FAAH2: variants seen among roughly 807,000 people sequenced by gnomAD.
FAAH2 encodes the protein fatty acid amide hydrolase 2.
In FAAH2, 60 loss-of-function variants were observed where a neutral mutation model predicts 36.9. That is an observed-to-expected ratio of 1.63 (90% CI 1.32 to 2.02). The LOEUF is 2.02. FAAH2 is among the 30% of genes most tolerant of loss of function. FAAH2 has a pLI of 0.00. For missense variants in FAAH2, 689 were observed against 397.5 expected, an observed-to-expected ratio of 1.73 and a Z score of -6.23; for synonymous variants, 214 against 143.8, an observed-to-expected ratio of 1.49 and a Z score of -3.49.
intron 7 of FAAH2, among the ~76,000 whole-genome samples, chrX:57,400,354 T>C (rs1248380741): frequency 1.8e-5 from 2 of 112,360 alleles, no homozygotes; most frequent in Non-Finnish European, 3.8e-5. Flanking sequence ...ATCAATTTCC[T>C]TACTCAGGTA....
the FAAH2 span, among the ~76,000 whole-genome samples, chrX:57,214,691 A>T: frequency 9.0e-6 from 1 of 111,676 alleles, no homozygotes; most frequent in South Asian, 3.7e-4. Flanking sequence ...TGTTACATGG[A>T]GTATGATACA....
the FAAH2 span, among the ~76,000 whole-genome samples, chrX:57,156,709 G>A: frequency 8.9e-6 from 1 of 111,874 alleles, no homozygotes; most frequent in South Asian, 3.8e-4. Context: ...TCCAAGCAAA[G>A]TCTCTTGCTC....
the FAAH2 span, chrX:57,135,676 T>A: frequency 9.2e-7 from 1 of 1,084,295 alleles, no homozygotes; most frequent in Non-Finnish European, 1.2e-6. Flanking sequence ...TTGTATTTTT[T>A]AGAGCAAAAC....
chrX:57,419,308 G>A (rs1466240685), intron 7 of FAAH2, among the ~76,000 whole-genome samples: 1 of 110,669 alleles, frequency 9.0e-6, no homozygotes, highest in Admixed American at 9.6e-5. Flanking sequence ...CTTCCACAAT[G>A]GTTGAACTAG....
At chrX:57,339,959 G>A (rs913502522) in intron 4 of FAAH2, among the ~76,000 whole-genome samples, 1 of 111,338 alleles carries the variant, frequency 9.0e-6, no homozygotes, top group African/African-American at 3.3e-5. Context: ...ACATGAAGGG[G>A]AGTTTATTAA....
the FAAH2 span, among the ~76,000 whole-genome samples, chrX:57,226,445 A>G: frequency 1.2e-4 from 13 of 111,778 alleles, no homozygotes; most frequent in Non-Finnish European, 3.8e-5. Context: ...TTGGCTGATA[A>G]TTGTTTTGTT....
intron 7 of FAAH2, among the ~76,000 whole-genome samples, chrX:57,424,034 C>T (rs771866369): frequency 5.4e-5 from 6 of 111,705 alleles, no homozygotes; most frequent in African/African-American, 2.0e-4. Context: ...CATCTGCTGC[C>T]TTCATTGCCC....
chrX:57,470,108 A>C (rs189687164), intron 10 of FAAH2, among the ~76,000 whole-genome samples: 1 of 111,926 alleles, frequency 8.9e-6, no homozygotes, highest in Admixed American at 9.5e-5. Flanking sequence ...CAGTGTGTAG[A>C]GGGAAATTTA....
chrX:57,428,517 C>T (rs752348491), intron 7 of FAAH2, among the ~76,000 whole-genome samples: 1 of 111,858 alleles, frequency 8.9e-6, no homozygotes, highest in Admixed American at 9.5e-5. Flanking sequence ...GAAACTACAA[C>T]AGCATGGTAT....
chrX:57,368,554 A>G (rs1397693705), intron 5 of FAAH2, among the ~76,000 whole-genome samples: 3 of 111,756 alleles, frequency 2.7e-5, no homozygotes, highest in African/African-American at 9.7e-5. Context: ...GGAGCAGCTT[A>G]TGTCCCACCC....
intron 2 of FAAH2, among the ~76,000 whole-genome samples, chrX:57,296,380 C>T (rs2052158958): frequency 8.9e-6 from 1 of 112,034 alleles, no homozygotes; most frequent in Non-Finnish European, 1.9e-5. Flanking sequence ...AACAGACCTG[C>T]AGCTGAGGGT....
chrX:57,286,501 T>C (rs761248593), upstream of FAAH2, among the ~76,000 whole-genome samples: 1 of 111,159 alleles, frequency 9.0e-6, no homozygotes, highest in African/African-American at 3.3e-5. Flanking sequence ...GGAGATATAG[T>C]GTAGGTTGGC....
chrX:57,325,285 T>C (rs751353657), intron 3 of FAAH2, among the ~76,000 whole-genome samples: 1 of 111,380 alleles, frequency 9.0e-6, no homozygotes, highest in African/African-American at 3.3e-5. Context: ...ATCAGGGATA[T>C]TGGTCTAAAA....
At chrX:57,282,332 AT>A (rs1223401364), upstream of FAAH2, among the ~76,000 whole-genome samples, 2 of 111,516 alleles carry the variant, frequency 1.8e-5, no homozygotes, top group Non-Finnish European at 3.8e-5. Context: ...GATGATGAGC[AT>A]TTTTTTAATG....
At chrX:57,319,485 A>G (rs1482321068) in intron 3 of FAAH2, among the ~76,000 whole-genome samples, 1 of 112,014 alleles carries the variant, frequency 8.9e-6, no homozygotes, top group Non-Finnish European at 1.9e-5. Context: ...GACCTCTTCA[A>G]GGAGAACTAC....
At chrX:57,229,198 A>C in the FAAH2 span, 2 of 112,297 alleles carry the variant, frequency 1.8e-5, no homozygotes, top group African/African-American at 3.2e-5. Flanking sequence ...GAGCACTTGG[A>C]CTATCGCTCA....
At chrX:57,375,923 GA>G (rs1216921324) in intron 5 of FAAH2, among the ~76,000 whole-genome samples, 2 of 111,540 alleles carry the variant, frequency 1.8e-5, no homozygotes, top group African/African-American at 6.5e-5. Flanking sequence ...TATGAATTAA[GA>G]TTGAAAGTTA....
rs758384514 is a variant in FAAH2 at position 57,450,861 on chromosome X, CAT to C, written c.1423+2144_1423+2145del. Among the ~76,000 whole-genome samples, 63 of 111,122 alleles carry C rather than the reference CAT, an allele frequency of 5.7e-4. No homozygotes were observed. The East Asian group carries it at 6.8e-3, about 12-fold the overall frequency. On this transcript the variant is annotated intron_variant, in intron 10 of 10. Transcript: ENST00000374900. ...TGATAATGATACCATTTATTGGAGA[CAT>C]GTATATGTTTATATTGATATTAATG...
At chrX:57,280,283 A>G in the FAAH2 span, among the ~76,000 whole-genome samples, 1 of 111,238 alleles carries the variant, frequency 9.0e-6, no homozygotes, top group Non-Finnish European at 1.9e-5. Flanking sequence ...TGAAATATCA[A>G]AAAACAGTCT....
Sources: gnomAD v4.1 joint callset for allele counts (sites outside exome capture counted in the v4.1 genomes callset) on GRCh38, gnomAD v4.1.1 for gene constraint, MANE v1.5 for transcripts, NCBI Gene and HGNC (gene_info 2026-07-23, HGNC 2026-07-21) for gene names.